KDM1A: variants seen among roughly 807,000 people sequenced by gnomAD.
KDM1A encodes lysine-specific histone demethylase 1A.
KDM1A carries 49 observed loss-of-function variants against 109.4 expected under a neutral mutation model. The ratio of observed to expected loss-of-function variants is 0.45; its 90% CI spans 0.36 to 0.57. The LOEUF (loss-of-function observed/expected upper bound fraction) is 0.57. KDM1A is among the 20% of genes least tolerant of loss of function. The pLI, the probability that KDM1A is intolerant of heterozygous loss-of-function variation, is 0.00. For missense variants in KDM1A, 668 were observed against 1,116.6 expected (o/e 0.60, Z 5.73); for synonymous variants, 380 against 415.4 (o/e 0.91, Z 1.04).
chr1:23,073,738 G>GAAT (rs2124524477), intron 15 of KDM1A, among the ~76,000 whole-genome samples: 1 of 152,320 alleles, frequency 6.6e-6, no homozygotes, highest in East Asian at 1.9e-4. Context: ...CATATAAAGT[G>GAAT]AATCATACAG....
At chr1:23,037,669 C>T (rs1325881279) in intron 2 of KDM1A, among the ~76,000 whole-genome samples, 1 of 152,182 alleles carries the variant, frequency 6.6e-6, no homozygotes, top group Admixed American at 6.5e-5. Context: ...ATGTTTCTCC[C>T]TAAAATTGGG....
Position 23,082,981 on chromosome 1 carries a change from G to T in KDM1A, c.2446-198G>T, listed in dbSNP as rs1438437666. 3 of 550,116 alleles carry T rather than the reference G, an allele frequency of 5.5e-6. No homozygotes were observed. In the African/African-American group the frequency reaches 5.6e-5, roughly 10 times the overall value. 34.1% of individuals were successfully genotyped at this position (550,116 alleles called of 1,614,324 possible). A position where few individuals can be genotyped will look rare whatever the true frequency, so the allele number is the denominator to read the frequency against. On this transcript the variant is annotated intron_variant, in intron 20 of 20. Transcript: ENST00000400181. ...CACTTTAGGACTGAGCCTAGGTAGAGTTTTATTGTCTCATTTCTACTTGTC... is the reference window on the plus strand; with the variant it reads ...CACTTTAGGACTGAGCCTAGGTAGATTTTTATTGTCTCATTTCTACTTGTC...
chr1:23,056,627 G>A (rs1439201664), intron 7 of KDM1A, among the ~76,000 whole-genome samples: 2 of 151,154 alleles, frequency 1.3e-5, no homozygotes, highest in African/African-American at 2.4e-5. Flanking sequence ...AAGAGTATGG[G>A]GAAATTGAAA....
chr1:23,050,653 C>CAT (rs1209103112), intron 4 of KDM1A, 133 bp downstream of exon 4: 10 of 692,300 alleles, frequency 1.4e-5, no homozygotes, highest in Non-Finnish European at 2.1e-5. Flanking sequence ...CCAGAGATAA[C>CAT]CTTTGTTAAT....
chr1:23,081,218 T>G (rs1339611484), intron 18 of KDM1A: 2 of 489,850 alleles, frequency 4.1e-6, no homozygotes, highest in Admixed American at 3.5e-5. Context: ...GTGAGGTGCC[T>G]GAGAATCTTA....
chr1:23,072,473 T>C (rs1643348942), intron 14 of KDM1A, among the ~76,000 whole-genome samples: 1 of 152,220 alleles, frequency 6.6e-6, no homozygotes, highest in African/African-American at 2.4e-5. Flanking sequence ...ATGGAAATTA[T>C]CTTTCTTGAG....
Position 23,079,174 on chromosome 1 carries a change from C to T in KDM1A, c.2052C>T (p.Asn684=). ...AAAGGATGGGATTTGGCAACCTTAACAAGGTAGCTTGCCCTAGACACTCCT... is the reference window on the plus strand; with the variant it reads ...AAAGGATGGGATTTGGCAACCTTAATAAGGTAGCTTGCCCTAGACACTCCT... The part of the protein sequence containing the change: ...AVQRMGFGNL[N]KVVLCFDRVF... The change falls in exon 17 of 21, where the codon AAC becomes AAT. Residue 684 remains asparagine (N), a synonymous_variant. Coordinates refer to ENST00000400181, the MANE Select transcript of KDM1A (RefSeq NM_001009999.3). This position sits in a 1 kb window ranked among gnomAD's most constrained non-coding sequence, Gnocchi z 5.6. 2 of 1,613,806 alleles carry T rather than the reference C, an allele frequency of 1.2e-6. No homozygotes were observed. Among genetic ancestry groups the T allele is most frequent in the Non-Finnish European group, 1.7e-6 (2 of 1,179,750 alleles).
rs1643565621 is a variant in KDM1A at position 23,079,763 on chromosome 1, C to T, written c.2170+96C>T. On this transcript the variant is annotated intron_variant, in intron 18 of 20. Coordinates refer to ENST00000400181, the MANE Select transcript of KDM1A (RefSeq NM_001009999.3). This position sits in a 1 kb window ranked among gnomAD's most constrained non-coding sequence, Gnocchi z 5.6. ...TCTCAATATATATGCCTTAATTTCTCTCTTTATTAACTCAACAAACAATTC... is the reference window on the plus strand; with the variant it reads ...TCTCAATATATATGCCTTAATTTCTTTCTTTATTAACTCAACAAACAATTC... 1.5e-6 allele frequency: 1 copy of T among 684,152 alleles called. No homozygotes were observed. The highest frequency in any genetic ancestry group is 3.2e-5 in the Admixed American group (1 of 30,962). The allele number at this position is 684,152 out of a possible 1,614,324, so 42.4% of individuals were successfully genotyped here. A position where few individuals can be genotyped will look rare whatever the true frequency, so the allele number is the denominator to read the frequency against.
intron 5 of KDM1A, among the ~76,000 whole-genome samples, chr1:23,054,135 G>T (rs1207105399): frequency 6.6e-6 from 1 of 152,080 alleles, no homozygotes; most frequent in East Asian, 1.9e-4. Context: ...TCACTATCTG[G>T]TTTTCTTATT....
At chr1:23,047,861 T>C (rs552471679) in intron 3 of KDM1A, among the ~76,000 whole-genome samples, 14 of 151,838 alleles carry the variant, frequency 9.2e-5, no homozygotes, top group Non-Finnish European at 1.8e-4. Flanking sequence ...GCCCCTGCAC[T>C]TCAGGAGCCT....
intron 1 of KDM1A, among the ~76,000 whole-genome samples, chr1:23,028,817 T>C (rs868443613): frequency 2.6e-5 from 4 of 152,290 alleles, no homozygotes; most frequent in Middle Eastern, 6.8e-3. Context: ...TGGAGTCTTA[T>C]TGCAAAGACC....
chr1:23,021,167 T>C (rs968544226), intron 1 of KDM1A, among the ~76,000 whole-genome samples: 1 of 152,156 alleles, frequency 6.6e-6, no homozygotes, highest in Non-Finnish European at 1.5e-5. Flanking sequence ...TTGAGCCAAC[T>C]CTCTAAAGTA....
intron 2 of KDM1A, among the ~76,000 whole-genome samples, chr1:23,031,958 C>T (rs948041029): frequency 7.2e-5 from 11 of 152,166 alleles, no homozygotes; most frequent in African/African-American, 2.7e-4. Context: ...TTTTACTTTA[C>T]ACCTCTCGTT....
chr1:23,019,955 T>A lies in KDM1A; in HGVS notation c.351+8T>A, dbSNP rs771226500. ...CGGCGCAAGCGGGCGAAGGTAAGGC[T>A]CGACCCTTCCCTCAAACGACACCGC... On this transcript the variant is annotated splice_region_variant and intron_variant, in intron 1 of 20. Coordinates refer to ENST00000400181, the MANE Select transcript of KDM1A (RefSeq NM_001009999.3). The A allele has an allele frequency of 5.2e-6, 8 of 1,535,890 alleles. No homozygotes were observed. The South Asian group carries it at 9.7e-5, about 19-fold the overall frequency.
At position 23,079,676 on chromosome 1, in the gene KDM1A, C is replaced by T. The variant is rs775641512; in HGVS notation, c.2170+9C>T. The T allele has an allele frequency of 6.5e-6, 10 of 1,540,870 alleles. No homozygotes were observed. Among genetic ancestry groups the T allele is most frequent in the Admixed American group, 1.9e-5 (1 of 53,684 alleles). ...CTGGAACCTCTATAAAGGTAAATGC[C>T]TTCTAATTTTAATCTTTTCCATATC... On this transcript the variant is annotated intron_variant, in intron 18 of 20. Coordinates refer to ENST00000400181, the MANE Select transcript of KDM1A (RefSeq NM_001009999.3). This position sits in a 1 kb window ranked among gnomAD's most constrained non-coding sequence, Gnocchi z 5.6.
At chr1:23,036,451 CCCT>C in intron 2 of KDM1A, among the ~76,000 whole-genome samples, 1 of 149,486 alleles carries the variant, frequency 6.7e-6, no homozygotes, top group African/African-American at 2.5e-5. Context: ...CACGCCCCCC[CCCT>C]CCCCCGCCCC....
At chr1:23,076,238 AAAT>A (rs1643460427) in intron 15 of KDM1A, among the ~76,000 whole-genome samples, 1 of 152,224 alleles carries the variant, frequency 6.6e-6, no homozygotes, top group Non-Finnish European at 1.5e-5. Context: ...ATGAAATTAG[AAAT>A]CCTTACCAGC....
intron 15 of KDM1A, among the ~76,000 whole-genome samples, chr1:23,076,039 G>GC (rs1460153550): frequency 6.6e-5 from 10 of 152,128 alleles, no homozygotes; most frequent in African/African-American, 2.4e-4. Context: ...ATAAAGTCTT[G>GC]CAGAACTACC....
chr1:23,056,497 G>C lies in KDM1A; in HGVS notation c.990+459G>C, dbSNP rs1642834497. 2.0e-5 allele frequency among the ~76,000 whole-genome samples: 3 copies of C among 152,002 alleles called. No homozygotes were observed. The South Asian group carries it at 6.2e-4, about 32-fold the overall frequency. On this transcript the variant is annotated intron_variant, in intron 7 of 20. Coordinates refer to ENST00000400181, the MANE Select transcript of KDM1A (RefSeq NM_001009999.3). ...AATGGAAACAGGAGGAGCAATAAGG[G>C]ATAATGGCACACAGTAGGAAAAAGA...
Sources: allele counts gnomAD v4.1 joint callset (sites outside exome capture counted in the v4.1 genomes callset), GRCh38; gene constraint gnomAD v4.1.1; non-coding constraint Gnocchi (gnomAD v3.1); transcripts MANE v1.5; gene names NCBI Gene and HGNC (gene_info 2026-07-23, HGNC 2026-07-21).